SLC25A38: variants seen among roughly 807,000 people sequenced by gnomAD.
The protein encoded by SLC25A38 is solute carrier family 25 member 38.
A neutral mutation model predicts 33.4 loss-of-function variants in SLC25A38; 27 were observed. That is an observed-to-expected ratio of 0.81 (90% CI 0.60 to 1.11). The LOEUF is 1.11. Among genes scored for constraint, SLC25A38 ranks in the 50% most tolerant of loss-of-function variants. SLC25A38 has a pLI of 0.00. For missense variants in SLC25A38, 344 were observed against 388.8 expected (o/e 0.88, Z 0.97); for synonymous variants, 123 against 145.9 (o/e 0.84, Z 1.13).
At position 39,383,663 on chromosome 3, in the gene SLC25A38, G is replaced by T; in HGVS notation, c.-62G>T. 1 of 1,599,580 alleles carries T rather than the reference G, an allele frequency of 6.3e-7. No individual in the cohort carries two copies. The highest frequency in any genetic ancestry group is 8.6e-7 in the Non-Finnish European group (1 of 1,167,452). On this transcript the variant is annotated 5_prime_UTR_variant, in exon 1 of 7. Coordinates refer to ENST00000650617, the MANE Select transcript of SLC25A38 (RefSeq NM_017875.4). ...CCTAGCCTTCTTCAAGGCCTCCAGG[G>T]CTGGGCCCAAGCGCCCGTCGACGGC... is the stretch of plus-strand genomic sequence containing the variant.
intron 3 of SLC25A38, among the ~76,000 whole-genome samples, chr3:39,390,827 C>T (rs568296961): frequency 6.6e-6 from 1 of 152,274 alleles, no homozygotes; most frequent in East Asian, 1.9e-4. Flanking sequence ...CATTTCTTTG[C>T]TCAAAGGCTT....
intron 5 of SLC25A38, 137 bp downstream of exon 5, chr3:39,392,158 T>C: frequency 8.3e-7 from 1 of 1,197,930 alleles, no homozygotes; most frequent in South Asian, 1.3e-5. Flanking sequence ...TGTCAGGAAC[T>C]GGGATGCAAA....
intron 5 of SLC25A38, 87 bp downstream of exon 5, chr3:39,392,108 C>T (rs1162010483): frequency 2.8e-5 from 43 of 1,547,516 alleles, no homozygotes; most frequent in Non-Finnish European, 3.7e-5. Context: ...CTATGTGTTT[C>T]TCTTAGCAGA....
intron 1 of SLC25A38, among the ~76,000 whole-genome samples, chr3:39,385,806 T>C (rs77364061): frequency 0.013 from 1,928 of 152,318 alleles, 40 homozygotes; most frequent in African/African-American, 0.044. Flanking sequence ...GGGACAGGTG[T>C]TGCTGTAGAA....
In SLC25A38 at chr3:39,394,496, G is replaced by T; in HGVS notation, c.712G>T (p.Ala238Ser). ...TCTGGCCTCACTGGTAACTCAACCT[G>T]CGGATGTTATCAAAACTCATATGCA... The part of the protein sequence containing the change: ...GILASLVTQP[A>S]DVIKTHMQLY... The change falls in exon 6 of 7, where the codon GCG (alanine) becomes TCG (serine). Residue 238 changes from alanine to serine, a missense_variant. Around this residue, in one of 2 missense-constraint regions of SLC25A38, gnomAD observed 75 missense variants for 117.0 expected, o/e 0.64. Coordinates refer to ENST00000650617, the MANE Select transcript of SLC25A38 (RefSeq NM_017875.4). The T allele has an allele frequency of 1.9e-6, 3 of 1,614,128 alleles. No individual in the cohort carries two copies. The highest frequency in any genetic ancestry group is 2.5e-6 in the Non-Finnish European group (3 of 1,180,012).
At chr3:39,385,640 T>G (rs2041701189) in intron 1 of SLC25A38, among the ~76,000 whole-genome samples, 2 of 151,890 alleles carry the variant, frequency 1.3e-5, no homozygotes, top group South Asian at 4.2e-4. Context: ...AGGGAGAGCA[T>G]AAGGTTTCCT....
At chr3:39,385,577 T>A (rs1421186289) in intron 1 of SLC25A38, among the ~76,000 whole-genome samples, 2 of 152,242 alleles carry the variant, frequency 1.3e-5, no homozygotes, top group South Asian at 4.2e-4. Context: ...TAACCCATCC[T>A]GGGATGAGTC....
intron 1 of SLC25A38, among the ~76,000 whole-genome samples, chr3:39,387,014 A>C (rs150115741): frequency 2.4e-3 from 369 of 152,118 alleles, no homozygotes; most frequent in African/African-American, 8.5e-3. Flanking sequence ...GAGCCATGGG[A>C]GTATGGTTCA....
In SLC25A38 at chr3:39,383,532, C is replaced by G. The variant is rs1321571283; in HGVS notation, c.-193C>G. 4.8e-6 allele frequency: 3 copies of G among 622,658 alleles called. No individual in the cohort carries two copies. The highest frequency in any genetic ancestry group is 8.6e-6 in the Non-Finnish European group (3 of 348,136). The allele number at this position is 622,658 out of a possible 1,614,324, so 38.6% of individuals were successfully genotyped here. On this transcript the variant is annotated 5_prime_UTR_variant, in exon 1 of 7. Coordinates refer to ENST00000650617, the MANE Select transcript of SLC25A38 (RefSeq NM_017875.4). ...TCCCGCAGCAAGATTGTTCCGCGCC[C>G]GCAGCCCCTGGACTAGCAGGATCCG...
rs2041670464 is a variant in SLC25A38, at chr3:39,383,511, G to C, written c.-214G>C. 1.7e-6 allele frequency: 1 copy of C among 597,064 alleles called. No homozygotes were observed. The allele number at this position is 597,064 out of a possible 1,614,324, so 37.0% of individuals were successfully genotyped here. On this transcript the variant is annotated 5_prime_UTR_variant, in exon 1 of 7. Coordinates refer to ENST00000650617, the MANE Select transcript of SLC25A38 (RefSeq NM_017875.4). Reference sequence around the variant, plus strand: ...GGGTGAAGAGCGGCGCGTAATTCCCGCAGCAAGATTGTTCCGCGCCCGCAG... The same window carrying C: ...GGGTGAAGAGCGGCGCGTAATTCCCCCAGCAAGATTGTTCCGCGCCCGCAG...
rs1250135052 is a variant in SLC25A38, at chr3:39,390,571, C to G, written c.276+64C>G. ...TCCTTAATAACCAGCTATTTCTCAT[C>G]TACCTTACCAGCTCTTAAGGATATG... On this transcript the variant is annotated intron_variant, in intron 3 of 6. Transcript: ENST00000650617. 4.7e-6 allele frequency: 7 copies of G among 1,497,988 alleles called. No homozygotes were observed. The African/African-American group carries it at 9.7e-5, about 21-fold the overall frequency. 92.8% of individuals were successfully genotyped at this position (1,497,988 alleles called of 1,614,324 possible).
chr3:39,392,020 T>C lies in SLC25A38; in HGVS notation c.624T>C (p.His208=). 6.2e-7 allele frequency: 1 copy of C among 1,614,138 alleles called. No individual in the cohort carries two copies. The highest frequency in any genetic ancestry group is 8.5e-7 in the Non-Finnish European group (1 of 1,180,018). The part of the protein sequence containing the change: ...FYNQTKNIVP[H]DQVDATLIPI... ...ACCAGACCAAAAATATAGTGCCTCATGGTAGGGATAAAGGAAGATCTGGGG... is the reference window on the plus strand; with the variant it reads ...ACCAGACCAAAAATATAGTGCCTCACGGTAGGGATAAAGGAAGATCTGGGG... Residue 208 remains histidine, a splice_region_variant and synonymous_variant, in exon 5 of 7, where the codon CAT becomes CAC. Coordinates refer to ENST00000650617, the MANE Select transcript of SLC25A38 (RefSeq NM_017875.4).
intron 5 of SLC25A38, among the ~76,000 whole-genome samples, chr3:39,393,434 A>G (rs956987926): frequency 2.6e-5 from 4 of 152,214 alleles, no homozygotes; most frequent in African/African-American, 7.2e-5. Context: ...CTCAGTGTCT[A>G]TTTCCTATGA....
chr3:39,395,421 TA>T (rs1048449126), intron 6 of SLC25A38, among the ~76,000 whole-genome samples: 8 of 145,764 alleles, frequency 5.5e-5, no homozygotes, highest in African/African-American at 1.7e-4. Flanking sequence ...AAAAAAAAAA[TA>T]AATAAATTAC....
At position 39,389,379 on chromosome 3, in the gene SLC25A38, G is replaced by A. The variant is rs2041735712; in HGVS notation, c.70-116G>A. 1.3e-6 allele frequency: 2 copies of A among 1,526,590 alleles called. No homozygotes were observed. Among genetic ancestry groups the A allele is most frequent in the Non-Finnish European group, 1.8e-6 (2 of 1,105,708 alleles). 94.6% of individuals were successfully genotyped at this position (1,526,590 alleles called of 1,614,324 possible). ...TCTCCGAGGTATGAAGAAAACATGA[G>A]GCACCACCAGGTAAGTGTCTAAGAG... On this transcript the variant is annotated intron_variant, in intron 1 of 6. Transcript: ENST00000650617. The surrounding 1 kb of genome is among the most constrained non-coding windows in gnomAD (Gnocchi z 4.5).
chr3:39,384,279 T>C (rs1416632360), intron 1 of SLC25A38, among the ~76,000 whole-genome samples: 1 of 152,160 alleles, frequency 6.6e-6, no homozygotes, highest in Non-Finnish European at 1.5e-5. Flanking sequence ...TCCAGCCTGT[T>C]GGGACGGCGC....
At chr3:39,384,956 C>T (rs1383629128) in intron 1 of SLC25A38, among the ~76,000 whole-genome samples, 1 of 152,020 alleles carries the variant, frequency 6.6e-6, no homozygotes. Flanking sequence ...CGTGCGCCAC[C>T]ACGCCCGGCT....
chr3:39,390,605 A>G (rs146503045), intron 3 of SLC25A38, 98 bp downstream of exon 3: 1 of 1,260,836 alleles, frequency 7.9e-7, no homozygotes, highest in African/African-American at 1.5e-5. Context: ...TGTGAGAGTC[A>G]GAAGTGGTGG....
chr3:39,384,205 C>T (rs2041681421), intron 1 of SLC25A38, among the ~76,000 whole-genome samples: 1 of 152,326 alleles, frequency 6.6e-6, no homozygotes, highest in East Asian at 1.9e-4. Flanking sequence ...AGCGAGCTGG[C>T]CGGGTAGCGC....
Sources: gnomAD v4.1 joint callset for allele counts (sites outside exome capture counted in the v4.1 genomes callset) on GRCh38, gnomAD v4.1.1 for gene constraint, gnomAD v4.1.1 regional missense constraint, Gnocchi (gnomAD v3.1) non-coding constraint, MANE v1.5 for transcripts, NCBI Gene and HGNC (gene_info 2026-07-23, HGNC 2026-07-21) for gene names.